The following MYH7 variants were observed in gnomAD, a reference collection of about 807,000 sequenced individuals.
MYH7 encodes the protein myosin heavy chain 7, also known as myosin-7.
In MYH7, 129 loss-of-function variants were observed where a neutral mutation model predicts 225.4. The observed-to-expected ratio is 0.57, with a 90% CI of 0.50 to 0.66. The LOEUF (loss-of-function observed/expected upper bound fraction) is 0.66. MYH7 is among the 30% of genes least tolerant of loss of function. MYH7 has a pLI of 0.00. For synonymous variants in MYH7, 971 were observed against 1,007.6 expected, an observed-to-expected ratio of 0.96 and a Z score of 0.69; for missense variants, 1,649 against 2,517.0, an observed-to-expected ratio of 0.66 and a Z score of 7.38.
chr14:23,421,719 T>C (rs570070109), intron 25 of MYH7: 1 of 984,266 alleles, frequency 1.0e-6, no homozygotes, highest in Non-Finnish European at 1.2e-6. Flanking sequence ...ACACTAAGAA[T>C]TGGAACCACA....
intron 22 of MYH7, among the ~76,000 whole-genome samples, 158 bp downstream of exon 22, chr14:23,424,611 C>T (rs1035396807): frequency 1.3e-5 from 2 of 152,210 alleles, no homozygotes; most frequent in African/African-American, 4.8e-5. Flanking sequence ...GCCCTTTCCT[C>T]CTCCTGAGGG....
rs1892705726 is a variant in MYH7 at position 23,426,688 on chromosome 14, G to A, written c.2044+89C>T. 3 of 1,228,020 alleles carry A rather than the reference G, an allele frequency of 2.4e-6. No homozygotes were observed. The Admixed American group carries it at 5.3e-5, about 22-fold the overall frequency. 76.1% of individuals were successfully genotyped at this position (1,228,020 alleles called of 1,614,324 possible). On this transcript the variant is annotated intron_variant, in intron 18 of 39. Coordinates refer to ENST00000355349, the MANE Select transcript of MYH7 (RefSeq NM_000257.4). ...AGAAGAATGTGGTTTGGAAACCACT[G>A]TGGTGGTAGGTAGGGAGATGTCCTA...
chr14:23,422,146 G>C, intron 25 of MYH7, 34 bp downstream of exon 25: 1 of 1,611,984 alleles, frequency 6.2e-7, no homozygotes, highest in Non-Finnish European at 8.5e-7. Flanking sequence ...ATGGGCTGGG[G>C]AGGAGGAAGG....
intron 26 of MYH7, 56 bp from the exon 27 acceptor site, chr14:23,420,290 C>G (rs981806632): frequency 8.2e-6 from 13 of 1,587,726 alleles, no homozygotes; most frequent in Non-Finnish European, 1.1e-5. Context: ...CTGGAATCCC[C>G]CCGGCTCTAA....
chr14:23,423,790 CTCCATGTCA>C, intron 23 of MYH7, 67 bp from the exon 24 acceptor site: 1 of 1,613,276 alleles, frequency 6.2e-7, no homozygotes, highest in South Asian at 1.1e-5. Flanking sequence ...CTGTGGGGAG[CTCCATGTCA>C]AGGTCCATGC....
chr14:23,433,868 G>A lies in MYH7; in HGVS notation c.-8-128C>T, dbSNP rs1893051014. Reference sequence around the variant, plus strand: ...AAGAGTCAAGAGGAGTTACCAGTGAGTCCCTTCCTCTTTGAGGTTACCCCT... The same window carrying A: ...AAGAGTCAAGAGGAGTTACCAGTGAATCCCTTCCTCTTTGAGGTTACCCCT... On this transcript the variant is annotated intron_variant, in intron 2 of 39. Coordinates refer to ENST00000355349, the MANE Select transcript of MYH7 (RefSeq NM_000257.4). The surrounding 1 kb of genome is among the most constrained non-coding windows in gnomAD (Gnocchi z 4.1). 2.2e-6 allele frequency: 2 copies of A among 918,190 alleles called. No homozygotes were observed. Among genetic ancestry groups the A allele is most frequent in the Admixed American group, 4.2e-5 (2 of 47,616 alleles). 56.9% of individuals were successfully genotyped at this position (918,190 alleles called of 1,614,324 possible). A position where few individuals can be genotyped will look rare whatever the true frequency, so the allele number is the denominator to read the frequency against.
intron 39 of MYH7, 95 bp downstream of exon 39, chr14:23,413,664 G>C (rs1892061256): frequency 6.4e-7 from 1 of 1,551,430 alleles, no homozygotes. Flanking sequence ...CAAGTGTGTG[G>C]AATAAATGAA....
Position 23,433,502 on chromosome 14 carries a change from G to T in MYH7, c.201+30C>A. The T allele has an allele frequency of 1.2e-6, 2 of 1,610,026 alleles. No individual in the cohort carries two copies. Among genetic ancestry groups the T allele is most frequent in the Non-Finnish European group, 8.5e-7 (1 of 1,177,774 alleles). On this transcript the variant is annotated intron_variant, in intron 3 of 39. Coordinates refer to ENST00000355349, the MANE Select transcript of MYH7 (RefSeq NM_000257.4). The surrounding 1 kb of genome is among the most constrained non-coding windows in gnomAD (Gnocchi z 4.1). ...TCCACCCAGGTGTACAGGTGGCCAG[G>T]GTGGACTCTCACATCAGCCTGACAC... is the stretch of plus-strand genomic sequence containing the variant.
chr14:23,418,036 A>T (rs761263615), intron 30 of MYH7, 174 bp downstream of exon 30: 10 of 1,050,884 alleles, frequency 9.5e-6, no homozygotes, highest in Non-Finnish European at 1.5e-5. Flanking sequence ...TCAGAAACAT[A>T]ATTCGAGCAA....
intron 24 of MYH7, among the ~76,000 whole-genome samples, chr14:23,422,686 A>G (rs543932159): frequency 7.6e-6 from 1 of 131,394 alleles, no homozygotes; most frequent in East Asian, 2.2e-4. Flanking sequence ...GCTGGAGTGC[A>G]GTGGCGCGAT....
Position 23,425,561 on chromosome 14 carries a change from G to C in MYH7, c.2286+134C>G. The C allele has an allele frequency of 1.3e-6, 2 of 1,574,252 alleles. No homozygotes were observed. Among genetic ancestry groups the C allele is most frequent in the Non-Finnish European group, 1.7e-6 (2 of 1,153,516 alleles). ...CAGCTGGAGCTGGGATGAGGGGAGT[G>C]GTGCTAGATGTTCCACTGGGAGGGG... On this transcript the variant is annotated intron_variant, in intron 20 of 39. Coordinates refer to ENST00000355349, the MANE Select transcript of MYH7 (RefSeq NM_000257.4). The surrounding 1 kb of genome is among the most constrained non-coding windows in gnomAD (Gnocchi z 4.6).
intron 37 of MYH7, among the ~76,000 whole-genome samples, chr14:23,414,691 C>A (rs1469223850): frequency 6.6e-6 from 1 of 152,044 alleles, no homozygotes; most frequent in Non-Finnish European, 1.5e-5. Context: ...TTGGGGGTGA[C>A]CCTGGCTACA....
intron 6 of MYH7, 148 bp from the exon 7 acceptor site, chr14:23,432,017 C>G (rs1264642396): frequency 1.2e-6 from 1 of 818,364 alleles, no homozygotes; most frequent in Non-Finnish European, 2.0e-6. Flanking sequence ...CCACAACTGT[C>G]TTCTGATGCA....
At position 23,414,109 on chromosome 14, in the gene MYH7, G is replaced by T. The variant is rs778224065; in HGVS notation, c.5560-7C>A. On this transcript the variant is annotated splice_polypyrimidine_tract_variant and splice_region_variant and intron_variant, in intron 37 of 39. Coordinates refer to ENST00000355349, the MANE Select transcript of MYH7 (RefSeq NM_000257.4). ...TTTTCCTGTCCTCCTCCGTCTGGGG[G>T]CCAGAGGGTAGGCAGGGGGTGAAGA... is the stretch of plus-strand genomic sequence containing the variant. 12 of 1,610,876 alleles carry T rather than the reference G, an allele frequency of 7.4e-6. No individual in the cohort carries two copies. The highest frequency in any genetic ancestry group is 9.3e-6 in the Non-Finnish European group (11 of 1,179,626).
rs1892151210 is a variant in MYH7, at chr14:23,415,413, C to T, written c.5251G>A (p.Ala1751Thr). 1.9e-6 allele frequency: 3 copies of T among 1,614,124 alleles called. No homozygotes were observed. The highest frequency in any genetic ancestry group is 2.5e-6 in the Non-Finnish European group (3 of 1,180,066). ...VEEAVQECRN[A>T]EEKAKKAITD... ...ATGGCCTTCTTGGCCTTCTCCTCAGCATTCCTGCACTCCTGCACTGCCTCC... is the reference window on the plus strand; with the variant it reads ...ATGGCCTTCTTGGCCTTCTCCTCAGTATTCCTGCACTCCTGCACTGCCTCC... Residue 1751 changes from alanine to threonine, a missense_variant, in exon 36 of 40, where the codon GCT becomes ACT. Ala to Thr is a moderately conservative substitution (Grantham distance 58, BLOSUM62 0). Transcript: ENST00000355349. This position sits in a 1 kb window ranked among gnomAD's most constrained non-coding sequence, Gnocchi z 6.3.
At chr14:23,434,668 C>T (rs2856907) in intron 1 of MYH7, among the ~76,000 whole-genome samples, 7 of 152,212 alleles carry the variant, frequency 4.6e-5, no homozygotes, top group Non-Finnish European at 1.0e-4. Context: ...GGTTAAATGG[C>T]TTGCTTGGCC....
intron 30 of MYH7, 143 bp from the exon 31 acceptor site, chr14:23,417,829 G>C (rs1374367032): frequency 8.5e-7 from 1 of 1,179,012 alleles, no homozygotes. Context: ...CCCAGGGGCC[G>C]AGAACATCAG....
At chr14:23,431,934 G>A in intron 6 of MYH7, 65 bp from the exon 7 acceptor site, 1 of 1,533,650 alleles carries the variant, frequency 6.5e-7, no homozygotes, top group Admixed American at 1.7e-5. Flanking sequence ...CCTCAAATCA[G>A]GAGAGAATGC....
chr14:23,425,327 C>T lies in MYH7; in HGVS notation c.2378G>A (p.Arg793Gln), dbSNP rs730880896. The T allele has an allele frequency of 8.7e-6, 14 of 1,614,182 alleles. No individual in the cohort carries two copies. Among genetic ancestry groups the T allele is most frequent in the Admixed American group, 1.7e-5 (1 of 60,014 alleles). ...RIITRIQAQS[R>Q]GVLARMEYKK... ...GTACTCCATTCTGGCGAGCACACCT[C>T]GGGACTGGGCCTGGATACGCGTGAT... The change falls in exon 21 of 40, where the codon CGA becomes CAA. Residue 793 changes from arginine to glutamine, a missense_variant. By Grantham distance (43) the Arg-to-Gln change is conservative (BLOSUM62 1). Around this residue, in one of 12 missense-constraint regions of MYH7, gnomAD observed 36 missense variants for 43.2 expected, o/e 0.83. Coordinates refer to ENST00000355349, the MANE Select transcript of MYH7 (RefSeq NM_000257.4). The surrounding 1 kb of genome is among the most constrained non-coding windows in gnomAD (Gnocchi z 4.6).
Sources: allele counts gnomAD v4.1 joint callset (sites outside exome capture counted in the v4.1 genomes callset), GRCh38; gene constraint gnomAD v4.1.1; regional missense constraint gnomAD v4.1.1; non-coding constraint Gnocchi (gnomAD v3.1); transcripts MANE v1.5; gene names NCBI Gene and HGNC (gene_info 2026-07-23, HGNC 2026-07-21).